NAALADL2: variants seen among roughly 807,000 people sequenced by gnomAD.
NAALADL2 encodes N-acetylated alpha-linked acidic dipeptidase like 2.
In NAALADL2, 76 loss-of-function variants were observed where a neutral mutation model predicts 87.2. The ratio of observed to expected loss-of-function variants is 0.87; its 90% CI spans 0.72 to 1.05. The LOEUF (loss-of-function observed/expected upper bound fraction) is 1.05, where lower values mean the gene tolerates loss of function less well. NAALADL2 is among the 50% of genes least tolerant of loss of function. NAALADL2 has a pLI of 0.00. For synonymous variants in NAALADL2, 354 were observed against 331.0 expected (o/e 1.07, Z -0.75); for missense variants, 1,089 against 945.8 (o/e 1.15, Z -1.99).
At position 175,088,090 on chromosome 3, in the gene NAALADL2, G is replaced by T. The variant is rs185184298; in HGVS notation, c.44-8700G>T. 4.1e-3 allele frequency among the ~76,000 whole-genome samples: 617 copies of T among 152,078 alleles called. 11 individuals carry two copies. The highest frequency in any genetic ancestry group is 2.7e-3 in the Non-Finnish European group (181 of 67,984). ...TTTTAGATATAAAATTAATATATATGATCTTTAGTTTATAAGGAACACACC... is the reference window on the plus strand; with the variant it reads ...TTTTAGATATAAAATTAATATATATTATCTTTAGTTTATAAGGAACACACC... On this transcript the variant is annotated intron_variant, in intron 1 of 13. Coordinates refer to ENST00000454872, the MANE Select transcript of NAALADL2 (RefSeq NM_207015.3).
At chr3:174,778,482 A>G (rs1321293481) in intron 3 of NAALADL2, among the ~76,000 whole-genome samples, 1 of 151,908 alleles carries the variant, frequency 6.6e-6, no homozygotes, top group East Asian at 1.9e-4. Flanking sequence ...TTATTTATTT[A>G]TTTATTTATG....
intron 1 of NAALADL2, among the ~76,000 whole-genome samples, chr3:175,076,322 C>CTTTTTTTT (rs57449665): frequency 7.8e-6 from 1 of 127,500 alleles, no homozygotes; most frequent in African/African-American, 2.8e-5. Flanking sequence ...GTATTTCATG[C>CTTTTTTTT]TTTTTTTTTT....
chr3:175,269,255 A>G (rs886787463), intron 4 of NAALADL2, among the ~76,000 whole-genome samples: 7 of 152,108 alleles, frequency 4.6e-5, no homozygotes, highest in African/African-American at 1.7e-4. Context: ...TATTTTATAT[A>G]TAAGTAGGAG....
At chr3:175,350,558 T>G (rs1394616383) in intron 5 of NAALADL2, among the ~76,000 whole-genome samples, 2 of 152,150 alleles carry the variant, frequency 1.3e-5, no homozygotes, top group East Asian at 3.9e-4. Context: ...AGAACACTGA[T>G]GCAGCCATAT....
At chr3:175,465,297 A>G (rs1582001413) in intron 7 of NAALADL2, among the ~76,000 whole-genome samples, 2 of 151,940 alleles carry the variant, frequency 1.3e-5, no homozygotes, top group East Asian at 3.9e-4. Flanking sequence ...TTTATTTAAT[A>G]ACTTTGAAGA....
intron 2 of NAALADL2, among the ~76,000 whole-genome samples, chr3:175,199,819 AATATATATATATATATATATATATATAT>A (rs1273667396): frequency 1.4e-4 from 3 of 21,366 alleles, no homozygotes; most frequent in South Asian, 2.1e-3. Flanking sequence ...GGGGGAAAGA[AATATATATATATATATATATATATATAT>A]ATATATATAT....
At chr3:175,661,570 A>ACT (rs60066642) in intron 11 of NAALADL2, among the ~76,000 whole-genome samples, 31,452 of 151,604 alleles carry the variant, frequency 0.21, 6,484 homozygotes, top group African/African-American at 0.53. Context: ...CTTTCTAAAA[A>ACT]CTTTTTCCAG....
At position 175,040,328 on chromosome 3, in the gene NAALADL2, G is replaced by C. The variant is rs150940807; in HGVS notation, c.44-56462G>C. 2.6e-3 allele frequency among the ~76,000 whole-genome samples: 396 copies of C among 152,240 alleles called. 1 individual carries two copies. The highest frequency in any genetic ancestry group is 8.8e-3 in the African/African-American group (364 of 41,556). ...TATAATCTCCATTAAAGCAGAATCT[G>C]TTTTTTCCCCTTCATCATTGTATGT... On this transcript the variant is annotated intron_variant, in intron 1 of 13. Transcript: ENST00000454872.
intron 3 of NAALADL2, among the ~76,000 whole-genome samples, chr3:174,837,806 CACAAAA>C (rs1287323012): frequency 1.3e-5 from 2 of 151,340 alleles, no homozygotes; most frequent in Non-Finnish European, 3.0e-5. Context: ...AAAAAACAAA[CACAAAA>C]ACAAAATACC....
At chr3:175,230,827 G>A (rs1461672661) in intron 2 of NAALADL2, among the ~76,000 whole-genome samples, 2 of 152,084 alleles carry the variant, frequency 1.3e-5, no homozygotes, top group Non-Finnish European at 2.9e-5. Flanking sequence ...GATGGCAAGA[G>A]TGTAATCAAA....
chr3:175,028,311 A>AT (rs1752441748), intron 1 of NAALADL2, among the ~76,000 whole-genome samples: 1 of 152,140 alleles, frequency 6.6e-6, no homozygotes. Context: ...CAATTTAACA[A>AT]TTTCTCATTT....
intron 5 of NAALADL2, among the ~76,000 whole-genome samples, chr3:175,429,712 G>A (rs531790376): frequency 5.3e-5 from 8 of 151,908 alleles, no homozygotes; most frequent in Non-Finnish European, 7.4e-5. Context: ...ATTTAGATTC[G>A]TCTAAGTATA....
At chr3:175,380,987 T>A (rs1340497389) in intron 5 of NAALADL2, among the ~76,000 whole-genome samples, 1 of 152,118 alleles carries the variant, frequency 6.6e-6, no homozygotes, top group Non-Finnish European at 1.5e-5. Flanking sequence ...TACCCTTTAC[T>A]GTATAAGACA....
intron 2 of NAALADL2, among the ~76,000 whole-genome samples, chr3:175,231,941 G>T (rs577422297): frequency 2.3e-4 from 35 of 152,060 alleles, no homozygotes; most frequent in African/African-American, 8.0e-4. Context: ...GGAGAAAGGG[G>T]GTAGGAAAAG....
At chr3:175,256,126 C>T (rs1280531834) in intron 3 of NAALADL2, among the ~76,000 whole-genome samples, 1 of 152,004 alleles carries the variant, frequency 6.6e-6, no homozygotes, top group South Asian at 2.1e-4. Flanking sequence ...TGTAGAATAT[C>T]CCAAATGTCT....
chr3:175,133,540 C>T lies in NAALADL2; in HGVS notation c.545+36249C>T, dbSNP rs376795844. The stretch of plus-strand genomic sequence containing the variant: ...CTGGAGACCAGCCCGGTCAACACAG[C>T]GAAACCCCGTCTCCACCAAAAAAAT... On this transcript the variant is annotated intron_variant, in intron 2 of 13. Transcript: ENST00000454872. Among the ~76,000 whole-genome samples, 31 of 152,308 alleles carry T rather than the reference C, an allele frequency of 2.0e-4. No individual in the cohort carries two copies. The East Asian group carries it at 3.1e-3, about 15-fold the overall frequency.
intron 1 of NAALADL2, chr3:175,059,947 T>A: frequency 2.4e-6 from 1 of 423,850 alleles, no homozygotes; most frequent in Non-Finnish European, 4.7e-6. Flanking sequence ...TGGTGGCACA[T>A]AACCTTCGAT....
chr3:175,695,126 C>T (rs2149933377), intron 11 of NAALADL2, among the ~76,000 whole-genome samples: 1 of 150,988 alleles, frequency 6.6e-6, no homozygotes. Flanking sequence ...AAAATGCATC[C>T]TTGCAATTTT....
chr3:175,178,078 C>A (rs1735948076), intron 2 of NAALADL2, among the ~76,000 whole-genome samples: 2 of 152,002 alleles, frequency 1.3e-5, no homozygotes, highest in East Asian at 3.9e-4. Flanking sequence ...AGCATTTCTT[C>A]CATAGACAAG....
Sources: allele counts gnomAD v4.1 joint callset (sites outside exome capture counted in the v4.1 genomes callset), GRCh38; gene constraint gnomAD v4.1.1; transcripts MANE v1.5; gene names NCBI Gene and HGNC (gene_info 2026-07-23, HGNC 2026-07-21).